Variants in ERICH5 observed in about 807,000 individuals in gnomAD.
The protein encoded by ERICH5 is glutamate rich 5.
Under a neutral mutation model 28.0 loss-of-function variants are expected in ERICH5, and 24 were observed. The observed-to-expected ratio is 0.86, with a 90% CI of 0.62 to 1.21. The LOEUF (loss-of-function observed/expected upper bound fraction) is 1.21. ERICH5 is among the 50% of genes most tolerant of loss of function. The probability of loss-of-function intolerance (pLI) is 0.00; values close to 1 mark genes in which losing one functional copy is unlikely to be tolerated. For missense variants in ERICH5, 421 were observed against 441.2 expected, an observed-to-expected ratio of 0.95 and a Z score of 0.41; for synonymous variants, 163 against 157.6, an observed-to-expected ratio of 1.03 and a Z score of -0.25.
intron 1 of ERICH5, among the ~76,000 whole-genome samples, chr8:98,076,023 A>G (rs2959644): frequency 0.56 from 84,911 of 151,152 alleles, 24,328 homozygotes; most frequent in East Asian, 0.69. Context: ...GGGTCTGTCC[A>G]CCCCTCTTAG....
Position 98,089,801 on chromosome 8 carries a change from C to A in ERICH5, c.784C>A (p.Pro262Thr). 6.2e-7 allele frequency: 1 copy of A among 1,614,056 alleles called. No homozygotes were observed. The highest frequency in any genetic ancestry group is 2.2e-5 in the East Asian group (1 of 44,890). The part of the protein sequence containing the change: ...EEQPQLLERI[P>T]KENVTPEVLD... The stretch of plus-strand genomic sequence containing the variant: ...GCAGCCCCAGCTTCTAGAAAGAATT[C>A]CCAAAGAGAATGTAACACCAGAAGT... The change falls in exon 2 of 3, where the codon CCC becomes ACC. Residue 262 changes from proline (P) to threonine (T), a missense_variant. Pro to Thr is a conservative substitution (Grantham distance 38). Coordinates refer to ENST00000318528, the MANE Select transcript of ERICH5 (RefSeq NM_173549.3).
Position 98,079,900 on chromosome 8 carries a change from T to G in ERICH5, c.59-9176T>G, listed in dbSNP as rs184280104. Among the ~76,000 whole-genome samples the G allele has an allele frequency of 2.2e-3, 337 of 152,350 alleles. 1 individual carries two copies. The highest frequency in any genetic ancestry group is 3.8e-3 in the Non-Finnish European group (259 of 68,034). ...CTGTACCATGATAACAATACAACTTTGTAGGTCAACACTGACAACTTCATA... is the reference window on the plus strand; with the variant it reads ...CTGTACCATGATAACAATACAACTTGGTAGGTCAACACTGACAACTTCATA... On this transcript the variant is annotated intron_variant, in intron 1 of 2. Coordinates refer to ENST00000318528, the MANE Select transcript of ERICH5 (RefSeq NM_173549.3).
At position 98,088,945 on chromosome 8, in the gene ERICH5, T is replaced by C. The variant is rs1288788460; in HGVS notation, c.59-131T>C. 25 of 664,732 alleles carry C rather than the reference T, an allele frequency of 3.8e-5. No homozygotes were observed. The East Asian group carries it at 6.5e-4, about 17-fold the overall frequency. 41.2% of individuals were successfully genotyped at this position (664,732 alleles called of 1,614,324 possible). A position where few individuals can be genotyped will look rare whatever the true frequency, so the allele number is the denominator to read the frequency against. On this transcript the variant is annotated intron_variant, in intron 1 of 2. Transcript: ENST00000318528. ...TTAGGGTCATGGTATGGCCTTTCTGTACTCAGATATATTTGGAACTGTCTT... is the reference window on the plus strand; with the variant it reads ...TTAGGGTCATGGTATGGCCTTTCTGCACTCAGATATATTTGGAACTGTCTT...
chr8:98,079,153 CTTTTTTTTT>C (rs59165735), intron 1 of ERICH5, among the ~76,000 whole-genome samples: 2 of 132,408 alleles, frequency 1.5e-5, no homozygotes, highest in Non-Finnish European at 3.1e-5. Context: ...ACATTTTCCT[CTTTTTTTTT>C]TTCCTTTTTT....
intron 1 of ERICH5, among the ~76,000 whole-genome samples, chr8:98,067,006 T>C (rs1046688841): frequency 9.2e-5 from 14 of 152,244 alleles, no homozygotes; most frequent in Non-Finnish European, 1.5e-4. Context: ...CAGTAATTAT[T>C]TGTTGAATGA....
At chr8:98,091,768 T>A (rs1815386306) in intron 2 of ERICH5, among the ~76,000 whole-genome samples, 2 of 152,202 alleles carry the variant, frequency 1.3e-5, no homozygotes, top group Admixed American at 1.3e-4. Context: ...GCCAGACAGG[T>A]TTAGGGGCAC....
At chr8:98,092,052 G>A (rs898390005) in intron 2 of ERICH5, among the ~76,000 whole-genome samples, 6 of 67,862 alleles carry the variant, frequency 8.8e-5, no homozygotes, top group African/African-American at 2.9e-4. Context: ...AAGCTGGAGT[G>A]CAGTGATGCA....
chr8:98,086,490 G>A (rs975131265), intron 1 of ERICH5, among the ~76,000 whole-genome samples: 33 of 152,080 alleles, frequency 2.2e-4, no homozygotes, highest in African/African-American at 7.7e-4. Context: ...AAATGAAAAA[G>A]TATGATAATT....
chr8:98,091,931 T>C (rs1563759661), intron 2 of ERICH5, among the ~76,000 whole-genome samples: 14 of 62,654 alleles, frequency 2.2e-4, no homozygotes, highest in African/African-American at 6.7e-4. Flanking sequence ...CTTTCTTTCT[T>C]TCTTCCTTTC....
rs1815341052 is a variant in ERICH5, at chr8:98,089,381, G to C, written c.364G>C (p.Glu122Gln). 6.2e-7 allele frequency: 1 copy of C among 1,614,142 alleles called. No homozygotes were observed. The highest frequency in any genetic ancestry group is 8.5e-7 in the Non-Finnish European group (1 of 1,180,060). ...ESGPPQPGGK[E>Q]DAPAAEGKKK... ...TGGGCCGCCTCAACCAGGTGGCAAA[G>C]AGGATGCCCCAGCAGCAGAAGGAAA... The change falls in exon 2 of 3, where the codon GAG (glutamate) becomes CAG (glutamine). Residue 122 changes from glutamate to glutamine, a missense_variant. Coordinates refer to ENST00000318528, the MANE Select transcript of ERICH5 (RefSeq NM_173549.3).
At chr8:98,071,152 C>T (rs1019536306) in intron 1 of ERICH5, among the ~76,000 whole-genome samples, 1 of 152,104 alleles carries the variant, frequency 6.6e-6, no homozygotes, top group South Asian at 2.1e-4. Context: ...TAGCTAGGAC[C>T]CGTAATCCCA....
At chr8:98,085,136 C>CTTTTGTTTTTTTTTTT (rs1815250312) in intron 1 of ERICH5, among the ~76,000 whole-genome samples, 1 of 57,240 alleles carries the variant, frequency 1.7e-5, no homozygotes, top group Non-Finnish European at 3.5e-5. Flanking sequence ...GTTCCACAGC[C>CTTTTGTTTTTTTTTTT]TTTTTTTTTT....
At chr8:98,086,501 A>G (rs1563757477) in intron 1 of ERICH5, among the ~76,000 whole-genome samples, 1 of 152,254 alleles carries the variant, frequency 6.6e-6, no homozygotes. Flanking sequence ...TATGATAATT[A>G]TTAACTCGGG....
intron 1 of ERICH5, among the ~76,000 whole-genome samples, chr8:98,084,075 C>G (rs2444863): frequency 0.96 from 143,607 of 149,282 alleles, 69,216 homozygotes; most frequent in Non-Finnish European, 1. Flanking sequence ...TTTTTGTAGA[C>G]ATCAGGTCTC....
At chr8:98,072,072 A>G (rs1000826482) in intron 1 of ERICH5, among the ~76,000 whole-genome samples, 2 of 152,076 alleles carry the variant, frequency 1.3e-5, no homozygotes, top group Non-Finnish European at 2.9e-5. Context: ...TTTAGCAGCT[A>G]AAACCCCCTA....
intron 1 of ERICH5, among the ~76,000 whole-genome samples, chr8:98,087,056 A>G (rs1390947752): frequency 6.6e-6 from 1 of 152,130 alleles, no homozygotes; most frequent in Non-Finnish European, 1.5e-5. Flanking sequence ...AGTAAAAGTT[A>G]ATTGAGACGG....
At position 98,093,439 on chromosome 8, in the gene ERICH5, G is replaced by A. The variant is rs1198975628; in HGVS notation, c.*106G>A. The A allele has an allele frequency of 5.5e-6, 4 of 725,280 alleles. No individual in the cohort carries two copies. The highest frequency in any genetic ancestry group is 9.2e-6 in the Non-Finnish European group (4 of 437,062). The allele number at this position is 725,280 out of a possible 1,614,324, so 44.9% of individuals were successfully genotyped here. On this transcript the variant is annotated 3_prime_UTR_variant, in exon 3 of 3. Transcript: ENST00000318528. ...TTCTACATTTACATGTTTTCTGTAA[G>A]GAGTGTGGTTATAGAGAGACTGTTG...
At chr8:98,085,720 A>G (rs1815264535) in intron 1 of ERICH5, among the ~76,000 whole-genome samples, 1 of 152,190 alleles carries the variant, frequency 6.6e-6, no homozygotes, top group Non-Finnish European at 1.5e-5. Flanking sequence ...ACTCTTTAGC[A>G]CCACCTGCAG....
Position 98,089,819 on chromosome 8 carries a change from C to T in ERICH5, c.802C>T (p.Pro268Ser). ...AAGAATTCCCAAAGAGAATGTAACACCAGAAGTATTGGACAGAAGTCAGCT... is the reference window on the plus strand; with the variant it reads ...AAGAATTCCCAAAGAGAATGTAACATCAGAAGTATTGGACAGAAGTCAGCT... ...LERIPKENVT[P>S]EVLDRSQLVE... The change falls in exon 2 of 3, where the codon CCA (proline) becomes TCA (serine). Residue 268 changes from proline to serine, a missense_variant. Transcript: ENST00000318528. 6.2e-7 allele frequency: 1 copy of T among 1,614,136 alleles called. No homozygotes were observed. Among genetic ancestry groups the T allele is most frequent in the Non-Finnish European group, 8.5e-7 (1 of 1,180,022 alleles).
Sources: gnomAD v4.1 joint callset for allele counts (sites outside exome capture counted in the v4.1 genomes callset) on GRCh38, gnomAD v4.1.1 for gene constraint, MANE v1.5 for transcripts, NCBI Gene and HGNC (gene_info 2026-07-23, HGNC 2026-07-21) for gene names.